TSHZ2: variants seen among roughly 807,000 people sequenced by gnomAD.
TSHZ2 encodes teashirt zinc finger homeobox 2.
In TSHZ2, 21 loss-of-function variants were observed where a neutral mutation model predicts 74.4. The ratio of observed to expected loss-of-function variants is 0.28; its 90% CI spans 0.20 to 0.41. The LOEUF (loss-of-function observed/expected upper bound fraction) is 0.41. Among genes scored for constraint, TSHZ2 ranks in the 10% least tolerant of loss-of-function variants. The pLI, the probability that TSHZ2 is intolerant of heterozygous loss-of-function variation, is 1.00. For synonymous variants in TSHZ2, 540 were observed against 515.3 expected (o/e 1.05, Z -0.65); for missense variants, 1,244 against 1,293.5 (o/e 0.96, Z 0.59).
At chr20:53,427,928 A>T (rs934236427) in intron 2 of TSHZ2, among the ~76,000 whole-genome samples, 1 of 152,186 alleles carries the variant, frequency 6.6e-6, no homozygotes, top group Admixed American at 6.5e-5. Context: ...TCTAACATGG[A>T]GGGGGACATG....
chr20:53,185,495 T>G (rs1044401408), intron 1 of TSHZ2: 1 of 1,370,596 alleles, frequency 7.3e-7, no homozygotes, highest in Non-Finnish European at 9.6e-7. Flanking sequence ...CTGGCCAACA[T>G]GGTGAAACCT....
intron 1 of TSHZ2, among the ~76,000 whole-genome samples, chr20:53,144,861 A>G (rs1012850074): frequency 6.6e-6 from 1 of 151,436 alleles, no homozygotes; most frequent in African/African-American, 2.4e-5. Context: ...ATATAATAAT[A>G]TATAAAATAC....
At chr20:52,999,758 G>C (rs191028785) in intron 1 of TSHZ2, among the ~76,000 whole-genome samples, 1 of 152,274 alleles carries the variant, frequency 6.6e-6, no homozygotes, top group East Asian at 1.9e-4. Flanking sequence ...GGATTTCTGG[G>C]GGTGGAAAAC....
In TSHZ2 at chr20:53,283,548, G is replaced by A. The variant is rs140518334; in HGVS notation, c.*8+26977G>A. Among the ~76,000 whole-genome samples the A allele has an allele frequency of 6.6e-4, 100 of 152,140 alleles. 2 individuals carry two copies. In the East Asian group the frequency reaches 0.016, roughly 24 times the overall value. On this transcript the variant is annotated intron_variant, in intron 2 of 2. Transcript: ENST00000371497. ...CTCTGCTGGACTTTAGGGCTTGCTG[G>A]GAAGCAGAGTTATAATTTTTTAATT...
intron 1 of TSHZ2, among the ~76,000 whole-genome samples, chr20:52,985,630 T>C (rs936699627): frequency 1.3e-5 from 2 of 152,236 alleles, no homozygotes; most frequent in South Asian, 4.1e-4. Context: ...TTATGGACTT[T>C]GAAGGGCAGA....
rs147195689 is a variant in TSHZ2 at position 53,081,992 on chromosome 20, A to G, written c.40+108659A>G. On this transcript the variant is annotated intron_variant, in intron 1 of 2. Coordinates refer to ENST00000371497, the MANE Select transcript of TSHZ2 (RefSeq NM_173485.6). ...TCTTATTCCCATTCCACAAATATGAAAATAGCCCAGAGGAGATGAATAACT... is the reference window on the plus strand; with the variant it reads ...TCTTATTCCCATTCCACAAATATGAGAATAGCCCAGAGGAGATGAATAACT... 1.4e-4 allele frequency among the ~76,000 whole-genome samples: 22 copies of G among 152,206 alleles called. No individual in the cohort carries two copies. In the East Asian group the frequency reaches 4.1e-3, roughly 28 times the overall value.
chr20:53,219,869 A>G (rs1459524080), intron 1 of TSHZ2, among the ~76,000 whole-genome samples: 4 of 152,204 alleles, frequency 2.6e-5, no homozygotes, highest in African/African-American at 4.8e-5. Flanking sequence ...CTAAATATGT[A>G]TGTGGATCCA....
At chr20:53,084,575 T>A (rs1294496268) in intron 1 of TSHZ2, among the ~76,000 whole-genome samples, 1 of 136,534 alleles carries the variant, frequency 7.3e-6, no homozygotes, top group Non-Finnish European at 1.5e-5. Flanking sequence ...GTTCAATTTT[T>A]AAAAATTTAT....
At chr20:53,347,741 T>A (rs1980494450) in intron 2 of TSHZ2, among the ~76,000 whole-genome samples, 1 of 152,144 alleles carries the variant, frequency 6.6e-6, no homozygotes. Context: ...TACAGATCAA[T>A]CCATTGCCTA....
chr20:53,486,219 C>A (rs1049672477), intron 2 of TSHZ2, among the ~76,000 whole-genome samples: 1 of 152,068 alleles, frequency 6.6e-6, no homozygotes, highest in Non-Finnish European at 1.5e-5. Flanking sequence ...TGTTGTAGAA[C>A]GTGTCAGAAT....
chr20:53,247,149 G>A (rs751579686), intron 1 of TSHZ2, among the ~76,000 whole-genome samples: 7 of 152,156 alleles, frequency 4.6e-5, no homozygotes, highest in Admixed American at 3.9e-4. Context: ...CTCTCGATCC[G>A]TATATATCAG....
chr20:52,991,739 G>A (rs1431698429), intron 1 of TSHZ2, among the ~76,000 whole-genome samples: 1 of 135,538 alleles, frequency 7.4e-6, no homozygotes, highest in Non-Finnish European at 1.6e-5. Context: ...CAGAGAGTGT[G>A]AAAAGCTTTT....
intron 1 of TSHZ2, among the ~76,000 whole-genome samples, chr20:53,016,924 G>A (rs1983058793): frequency 6.6e-6 from 1 of 152,052 alleles, no homozygotes; most frequent in Non-Finnish European, 1.5e-5. Flanking sequence ...TGCAGGTGGG[G>A]GGCTTGCTTG....
intron 2 of TSHZ2, chr20:53,455,292 T>G (rs1440583817): frequency 6.6e-6 from 1 of 152,274 alleles, no homozygotes; most frequent in Non-Finnish European, 1.5e-5. Flanking sequence ...GCTTGCTTAT[T>G]GTCTTCTCCT....
chr20:53,387,705 G>A (rs1453490689), intron 2 of TSHZ2, among the ~76,000 whole-genome samples: 3 of 152,166 alleles, frequency 2.0e-5, no homozygotes, highest in Non-Finnish European at 2.9e-5. Context: ...CTGCAGTTGA[G>A]GTGACTCTCA....
At chr20:53,042,153 A>G (rs1409962133) in intron 1 of TSHZ2, among the ~76,000 whole-genome samples, 1 of 152,230 alleles carries the variant, frequency 6.6e-6, no homozygotes, top group Non-Finnish European at 1.5e-5. Flanking sequence ...GTATATAAAT[A>G]TAGGTATTTA....
chr20:53,463,450 G>A (rs1327942250), intron 2 of TSHZ2, among the ~76,000 whole-genome samples: 2 of 145,698 alleles, frequency 1.4e-5, no homozygotes, highest in Non-Finnish European at 3.0e-5. Context: ...AGGGAGGGAA[G>A]GAAGGAAGGA....
At chr20:53,320,262 G>C (rs1433636915) in intron 2 of TSHZ2, among the ~76,000 whole-genome samples, 1 of 152,140 alleles carries the variant, frequency 6.6e-6, no homozygotes, top group East Asian at 1.9e-4. Context: ...TTCAAATGAG[G>C]AAACTGAGGC....
In TSHZ2 at chr20:52,976,310, C is replaced by T. The variant is rs191278517; in HGVS notation, c.40+2977C>T. Reference sequence around the variant, plus strand: ...GAGTATTTCCCTCTGAAATGTCATTCTTCCTGGCTTTCTTAAGCTATGCTA... The same window carrying T: ...GAGTATTTCCCTCTGAAATGTCATTTTTCCTGGCTTTCTTAAGCTATGCTA... On this transcript the variant is annotated intron_variant, in intron 1 of 2. Transcript: ENST00000371497. Among the ~76,000 whole-genome samples the T allele has an allele frequency of 9.8e-5, 15 of 152,308 alleles. No individual in the cohort carries two copies. The East Asian group carries it at 2.5e-3, about 25-fold the overall frequency.
Sources: gnomAD v4.1 joint callset for allele counts (sites outside exome capture counted in the v4.1 genomes callset) on GRCh38, gnomAD v4.1.1 for gene constraint, MANE v1.5 for transcripts, NCBI Gene and HGNC (gene_info 2026-07-23, HGNC 2026-07-21) for gene names.